The following GALNT13 variants were observed in gnomAD, a reference collection of about 807,000 sequenced individuals.
GALNT13 encodes UDP-GalNAc:polypeptide N-acetylgalactosaminyltransferase 13.
Under a neutral mutation model 64.2 loss-of-function variants are expected in GALNT13, and 28 were observed. That is an observed-to-expected ratio of 0.44 (90% CI 0.32 to 0.60). The LOEUF (loss-of-function observed/expected upper bound fraction) is 0.60, where lower values mean the gene tolerates loss of function less well. GALNT13 is among the 20% of genes least tolerant of loss of function. GALNT13 has a pLI of 0.05. For synonymous variants in GALNT13, 214 were observed against 224.6 expected, an observed-to-expected ratio of 0.95 and a Z score of 0.42; for missense variants, 577 against 669.8, an observed-to-expected ratio of 0.86 and a Z score of 1.53.
the GALNT13 span, among the ~76,000 whole-genome samples, chr2:153,751,385 G>T: frequency 1.1e-4 from 16 of 150,370 alleles, no homozygotes; most frequent in South Asian, 2.3e-3. Context: ...CTCTTTTTCT[G>T]ATGTTCTGTT....
chr2:153,850,278 C>T, the GALNT13 span, among the ~76,000 whole-genome samples: 1 of 152,076 alleles, frequency 6.6e-6, no homozygotes. Flanking sequence ...AGGAATAGTT[C>T]CTGTTCCTAC....
intron 4 of GALNT13, among the ~76,000 whole-genome samples, chr2:154,169,754 AT>A (rs1685250772): frequency 6.6e-6 from 1 of 152,176 alleles, no homozygotes; most frequent in African/African-American, 2.4e-5. Flanking sequence ...AAGTTACTTA[AT>A]GGTGGATGAG....
the GALNT13 span, among the ~76,000 whole-genome samples, chr2:153,771,226 G>A: frequency 1.3e-5 from 2 of 152,326 alleles, no homozygotes; most frequent in Admixed American, 6.5e-5. Context: ...GGGGGCAGAT[G>A]TGTCTCAAGG....
chr2:153,350,628 C>T, the GALNT13 span, among the ~76,000 whole-genome samples: 1 of 152,002 alleles, frequency 6.6e-6, no homozygotes, highest in African/African-American at 2.4e-5. Flanking sequence ...GGTGATCCAC[C>T]CGCCTCAGCT....
the GALNT13 span, among the ~76,000 whole-genome samples, chr2:153,777,470 T>C: frequency 6.6e-6 from 1 of 152,178 alleles, no homozygotes; most frequent in Non-Finnish European, 1.5e-5. Context: ...GGGCTGTTGG[T>C]TGGTGATCAG....
At chr2:153,780,214 GATATATAT>G in the GALNT13 span, among the ~76,000 whole-genome samples, 886 of 127,868 alleles carry the variant, frequency 6.9e-3, 14 homozygotes, top group East Asian at 0.059. Flanking sequence ...AGAATTTGAA[GATATATAT>G]ATATATATAT....
At chr2:153,570,134 C>T in the GALNT13 span, among the ~76,000 whole-genome samples, 1 of 152,086 alleles carries the variant, frequency 6.6e-6, no homozygotes, top group African/African-American at 2.4e-5. Context: ...GGATAAAAGG[C>T]ATTTTAACTG....
intron 11 of GALNT13, among the ~76,000 whole-genome samples, chr2:154,415,001 T>A (rs570242716): frequency 6.6e-6 from 1 of 151,978 alleles, no homozygotes; most frequent in Non-Finnish European, 1.5e-5. Flanking sequence ...AATTTTTATT[T>A]AAAATTTACA....
the GALNT13 span, among the ~76,000 whole-genome samples, chr2:153,612,333 A>G: frequency 1.3e-5 from 2 of 152,166 alleles, no homozygotes. Context: ...AAATCCCATT[A>G]CTGGGTATAT....
chr2:153,267,624 CCA>C, the GALNT13 span, among the ~76,000 whole-genome samples: 1 of 152,194 alleles, frequency 6.6e-6, no homozygotes, highest in Non-Finnish European at 1.5e-5. Flanking sequence ...GGGCCATGCT[CCA>C]GATACATTCA....
chr2:153,231,331 C>T, the GALNT13 span, among the ~76,000 whole-genome samples: 1 of 152,292 alleles, frequency 6.6e-6, no homozygotes, highest in Admixed American at 6.5e-5. Flanking sequence ...CTTGGTTTCT[C>T]ACATTTATCC....
At chr2:153,220,719 A>G in the GALNT13 span, among the ~76,000 whole-genome samples, 53,815 of 152,054 alleles carry the variant, frequency 0.35, 9,682 homozygotes, top group Middle Eastern at 0.5. Flanking sequence ...ATAAACTCCC[A>G]CTCCTGCACA....
At chr2:154,323,560 A>G (rs1694732016) in intron 9 of GALNT13, among the ~76,000 whole-genome samples, 2 of 152,110 alleles carry the variant, frequency 1.3e-5, no homozygotes, top group Admixed American at 6.6e-5. Flanking sequence ...CATGAATGGC[A>G]TTGAGTTATG....
At chr2:153,725,962 C>T in the GALNT13 span, among the ~76,000 whole-genome samples, 1 of 151,992 alleles carries the variant, frequency 6.6e-6, no homozygotes, top group Non-Finnish European at 1.5e-5. Context: ...TGAAGTGTTA[C>T]TAGGAAATCC....
chr2:153,121,549 T>G, the GALNT13 span, among the ~76,000 whole-genome samples: 1 of 152,186 alleles, frequency 6.6e-6, no homozygotes, highest in Non-Finnish European at 1.5e-5. Context: ...TATTTATTTT[T>G]GAGGCGGAGT....
the GALNT13 span, among the ~76,000 whole-genome samples, chr2:153,493,120 G>GA: frequency 6.6e-6 from 1 of 151,426 alleles, no homozygotes; most frequent in Non-Finnish European, 1.5e-5. Context: ...AAGAAGCTAA[G>GA]AAAAAAAAGA....
the GALNT13 span, among the ~76,000 whole-genome samples, chr2:153,659,820 C>A: frequency 6.6e-6 from 1 of 152,088 alleles, no homozygotes; most frequent in Non-Finnish European, 1.5e-5. Context: ...GAGAAAAAAG[C>A]AGCTTTGTAC....
the GALNT13 span, among the ~76,000 whole-genome samples, chr2:153,183,652 G>A: frequency 6.6e-6 from 1 of 152,154 alleles, no homozygotes; most frequent in East Asian, 1.9e-4. Flanking sequence ...TGCACATGGT[G>A]TAAGAAAGTG....
the GALNT13 span, among the ~76,000 whole-genome samples, chr2:153,767,667 A>C: frequency 0.41 from 62,558 of 151,904 alleles, 14,887 homozygotes; most frequent in Middle Eastern, 0.55. Context: ...ATGATATTTC[A>C]TTGTGGACTT....
Sources: allele counts gnomAD v4.1 joint callset (sites outside exome capture counted in the v4.1 genomes callset), GRCh38; gene constraint gnomAD v4.1.1; transcripts MANE v1.5; gene names NCBI Gene and HGNC (gene_info 2026-07-23, HGNC 2026-07-21).